Variants in ANKS1B observed in about 807,000 individuals in gnomAD.
ANKS1B encodes the protein ankyrin repeat and sterile alpha motif domain containing 1B.
ANKS1B carries 36 observed loss-of-function variants against 148.3 expected under a neutral mutation model. The ratio of observed to expected loss-of-function variants is 0.24; its 90% CI spans 0.19 to 0.32. ANKS1B has a LOEUF of 0.32. Ranked by LOEUF, ANKS1B falls within the 10% of genes least tolerant of loss-of-function variation. ANKS1B has a pLI of 1.00. For synonymous variants in ANKS1B, 542 were observed against 560.8 expected, an observed-to-expected ratio of 0.97 and a Z score of 0.47; for missense variants, 1,157 against 1,542.6, an observed-to-expected ratio of 0.75 and a Z score of 4.19.
intron 11 of ANKS1B, among the ~76,000 whole-genome samples, chr12:99,407,888 T>G (rs2094569247): frequency 6.8e-6 from 1 of 146,156 alleles, no homozygotes; most frequent in East Asian, 1.9e-4. Flanking sequence ...CTTTCTGGAT[T>G]GGTAGAATAA....
intron 17 of ANKS1B, among the ~76,000 whole-genome samples, chr12:98,904,167 G>A (rs1399167837): frequency 2.0e-5 from 3 of 151,994 alleles, no homozygotes; most frequent in Non-Finnish European, 4.4e-5. Flanking sequence ...ATGATGAGAG[G>A]CTGAAGCAAG....
At chr12:99,350,930 A>T (rs2091341888) in intron 12 of ANKS1B, among the ~76,000 whole-genome samples, 1 of 152,114 alleles carries the variant, frequency 6.6e-6, no homozygotes. Context: ...CAAACCTAAT[A>T]GTCTCAGTCA....
At chr12:99,732,465 G>A (rs887913784) in intron 8 of ANKS1B, among the ~76,000 whole-genome samples, 1 of 151,974 alleles carries the variant, frequency 6.6e-6, no homozygotes, top group African/African-American at 2.4e-5. Flanking sequence ...GCAACAAAAG[G>A]AATGAAAATA....
intron 14 of ANKS1B, among the ~76,000 whole-genome samples, chr12:99,236,357 C>T (rs550577074): frequency 1.4e-4 from 21 of 152,168 alleles, no homozygotes; most frequent in Admixed American, 1.3e-4. Flanking sequence ...TTAACTGACT[C>T]GCAGTTTCGC....
At chr12:99,715,381 C>T (rs886936905) in intron 8 of ANKS1B, among the ~76,000 whole-genome samples, 3 of 152,174 alleles carry the variant, frequency 2.0e-5, no homozygotes, top group African/African-American at 7.2e-5. Context: ...CCCTACTGAG[C>T]ACCTTGTGAC....
At chr12:98,983,512 C>G (rs1598012617) in intron 17 of ANKS1B, among the ~76,000 whole-genome samples, 1 of 152,164 alleles carries the variant, frequency 6.6e-6, no homozygotes, top group East Asian at 1.9e-4. Context: ...ATATAATGCA[C>G]CATAGTCACA....
intron 12 of ANKS1B, among the ~76,000 whole-genome samples, chr12:99,262,672 T>C: frequency 6.6e-6 from 1 of 152,040 alleles, no homozygotes; most frequent in Non-Finnish European, 1.5e-5. Context: ...GTTTATGTAA[T>C]TAAAAAAAAT....
At chr12:99,514,757 A>G (rs1234912862) in intron 9 of ANKS1B, among the ~76,000 whole-genome samples, 1 of 151,980 alleles carries the variant, frequency 6.6e-6, no homozygotes, top group Non-Finnish European at 1.5e-5. Flanking sequence ...GTTAGGTAGT[A>G]TCTAGCTCTG....
intron 1 of ANKS1B, among the ~76,000 whole-genome samples, chr12:99,865,577 A>G (rs909895395): frequency 6.6e-6 from 1 of 152,214 alleles, no homozygotes; most frequent in Non-Finnish European, 1.5e-5. Flanking sequence ...GCAAGTCATA[A>G]TTGCTGGAAA....
chr12:99,636,237 C>T (rs1943958732), intron 9 of ANKS1B, among the ~76,000 whole-genome samples: 1 of 152,012 alleles, frequency 6.6e-6, no homozygotes, highest in South Asian at 2.1e-4. Context: ...TTCAATAAAG[C>T]CACCATGAAC....
At chr12:99,480,239 A>T (rs2096389282) in intron 10 of ANKS1B, among the ~76,000 whole-genome samples, 1 of 151,818 alleles carries the variant, frequency 6.6e-6, no homozygotes, top group East Asian at 1.9e-4. Context: ...TGTCCTTCTC[A>T]CTAATAAGCT....
intron 17 of ANKS1B, among the ~76,000 whole-genome samples, chr12:98,882,120 A>T (rs2099709544): frequency 6.6e-6 from 1 of 152,174 alleles, no homozygotes; most frequent in Admixed American, 6.5e-5. Flanking sequence ...TGATTACATA[A>T]CATTGGTGAC....
chr12:99,445,118 G>C (rs1280835703), intron 10 of ANKS1B, among the ~76,000 whole-genome samples: 1 of 152,002 alleles, frequency 6.6e-6, no homozygotes, highest in Non-Finnish European at 1.5e-5. Flanking sequence ...ATTTGAATTG[G>C]CATCACAAAA....
intron 16 of ANKS1B, 123 bp from the exon 17 acceptor site, chr12:99,053,432 G>T: frequency 1.4e-6 from 1 of 737,262 alleles, no homozygotes; most frequent in Non-Finnish European, 1.9e-6. Flanking sequence ...ACGGAAACAA[G>T]GAAAAAGAAA....
At chr12:99,761,666 A>T (rs1461310771) in intron 8 of ANKS1B, among the ~76,000 whole-genome samples, 2 of 151,940 alleles carry the variant, frequency 1.3e-5, no homozygotes, top group South Asian at 2.1e-4. Flanking sequence ...CTCACCACTC[A>T]TATATAACAT....
Position 98,801,223 on chromosome 12 carries a change from G to A in ANKS1B, c.3142-98C>T, listed in dbSNP as rs2099002528. The A allele has an allele frequency of 1.6e-6, 2 of 1,226,314 alleles. No individual in the cohort carries two copies. The highest frequency in any genetic ancestry group is 1.5e-5 in the African/African-American group (1 of 66,090). The allele number at this position is 1,226,314 out of a possible 1,614,324, so 76.0% of individuals were successfully genotyped here. On this transcript the variant is annotated intron_variant, in intron 20 of 26. Transcript: ENST00000683438. This position sits in a 1 kb window ranked among gnomAD's most constrained non-coding sequence, Gnocchi z 5.2. ...CACCTTACACACAGGTGCTGTGAATGTACCAAAATGCATTTGGGTGTCTTA... is the reference window on the plus strand; with the variant it reads ...CACCTTACACACAGGTGCTGTGAATATACCAAAATGCATTTGGGTGTCTTA...
intron 17 of ANKS1B, among the ~76,000 whole-genome samples, chr12:98,918,218 G>C (rs1034886541): frequency 6.6e-6 from 1 of 152,216 alleles, no homozygotes; most frequent in Non-Finnish European, 1.5e-5. Flanking sequence ...GTTGGCTAGA[G>C]GAGTGAGATT....
intron 12 of ANKS1B, among the ~76,000 whole-genome samples, chr12:99,382,095 G>A (rs1056189134): frequency 3.3e-5 from 5 of 152,196 alleles, no homozygotes; most frequent in African/African-American, 1.2e-4. Flanking sequence ...TCATAGTAGA[G>A]ATGAAGAGCA....
At chr12:99,933,649 C>T (rs1464987437) in intron 1 of ANKS1B, among the ~76,000 whole-genome samples, 1 of 151,998 alleles carries the variant, frequency 6.6e-6, no homozygotes, top group African/African-American at 2.4e-5. Context: ...GTGGGGGCTT[C>T]AGGTTTTTCT....
Sources: allele counts gnomAD v4.1 joint callset (sites outside exome capture counted in the v4.1 genomes callset), GRCh38; gene constraint gnomAD v4.1.1; non-coding constraint Gnocchi (gnomAD v3.1); transcripts MANE v1.5; gene names NCBI Gene and HGNC (gene_info 2026-07-23, HGNC 2026-07-21).